Variants in SPMIP2 observed in about 807,000 individuals in gnomAD.
SPMIP2 encodes the protein sperm microtubule inner protein 2.
the SPMIP2 span, among the ~76,000 whole-genome samples, chr4:159,066,605 AT>A: frequency 0.4 from 57,926 of 145,474 alleles, 12,286 homozygotes; most frequent in East Asian, 0.61. Context: ...ATATATATAT[AT>A]ATATATATAT....
the SPMIP2 span, among the ~76,000 whole-genome samples, chr4:158,966,329 C>A: frequency 2.0e-5 from 3 of 152,196 alleles, no homozygotes; most frequent in African/African-American, 2.4e-5. Flanking sequence ...TAGGGAAAAA[C>A]TACAGTCATA....
At chr4:159,029,070 G>A in the SPMIP2 span, among the ~76,000 whole-genome samples, 1 of 152,174 alleles carries the variant, frequency 6.6e-6, no homozygotes, top group African/African-American at 2.4e-5. Context: ...ACTCCAGCCT[G>A]GGCAACAGAG....
At chr4:158,939,226 G>A in the SPMIP2 span, among the ~76,000 whole-genome samples, 1 of 152,156 alleles carries the variant, frequency 6.6e-6, no homozygotes, top group Non-Finnish European at 1.5e-5. Context: ...TATCCAGATG[G>A]TAAATCTTGA....
At chr4:158,917,771 G>T in the SPMIP2 span, among the ~76,000 whole-genome samples, 19 of 134,238 alleles carry the variant, frequency 1.4e-4, no homozygotes, top group East Asian at 3.4e-3. Context: ...TCCTAGGTTG[G>T]AGTGCAATGG....
chr4:158,957,764 T>G, the SPMIP2 span, among the ~76,000 whole-genome samples: 1 of 152,180 alleles, frequency 6.6e-6, no homozygotes, highest in African/African-American at 2.4e-5. Flanking sequence ...ATCACTTCTC[T>G]CAGTAAACAC....
At chr4:159,035,250 T>C in the SPMIP2 span, 1 of 616,894 alleles carries the variant, frequency 1.6e-6, no homozygotes, top group African/African-American at 1.8e-5. Flanking sequence ...GACAGGGAGA[T>C]AGAATGTTCC....
the SPMIP2 span, among the ~76,000 whole-genome samples, chr4:158,938,754 G>A: frequency 6.6e-6 from 1 of 152,176 alleles, no homozygotes; most frequent in African/African-American, 2.4e-5. Flanking sequence ...CTGTTGCCAA[G>A]AGTTTGTCCA....
the SPMIP2 span, among the ~76,000 whole-genome samples, chr4:158,976,096 A>T: frequency 6.7e-6 from 1 of 148,392 alleles, no homozygotes; most frequent in Non-Finnish European, 1.5e-5. Flanking sequence ...TTTGGCTATT[A>T]TTGGTTTATA....
the SPMIP2 span, among the ~76,000 whole-genome samples, chr4:158,959,880 C>T: frequency 6.6e-6 from 1 of 152,028 alleles, no homozygotes; most frequent in Non-Finnish European, 1.5e-5. Flanking sequence ...ACCAAGATTA[C>T]CCATTATGAT....
the SPMIP2 span, among the ~76,000 whole-genome samples, chr4:158,976,667 T>C: frequency 7.4e-6 from 1 of 135,924 alleles, no homozygotes; most frequent in African/African-American, 2.8e-5. Flanking sequence ...GCATTTTTTT[T>C]TTTTTTTTTT....
the SPMIP2 span, among the ~76,000 whole-genome samples, chr4:158,970,547 AAAAAC>A: frequency 1.7e-3 from 10 of 5,758 alleles, no homozygotes; most frequent in Admixed American, 4.5e-3. Context: ...CTCAAAAAAG[AAAAAC>A]AAAAAAAAAA....
chr4:158,973,159 A>G, the SPMIP2 span: 43,973 of 1,612,586 alleles, frequency 0.027, 1,087 homozygotes, highest in South Asian at 0.09. Flanking sequence ...TCACTGACGT[A>G]CTCATGTTTA....
At chr4:158,996,050 G>T in the SPMIP2 span, among the ~76,000 whole-genome samples, 152,056 of 152,234 alleles carry the variant, frequency 1, 75,940 homozygotes, top group East Asian at 1. Context: ...AGACTCGCAC[G>T]ACGTCTCGTT....
the SPMIP2 span, among the ~76,000 whole-genome samples, chr4:159,000,895 T>A: frequency 1.3e-5 from 2 of 152,348 alleles, no homozygotes; most frequent in Non-Finnish European, 2.9e-5. Flanking sequence ...TGTACAGATA[T>A]GTAACATTTA....
At chr4:159,043,862 T>C in the SPMIP2 span, among the ~76,000 whole-genome samples, 1 of 152,140 alleles carries the variant, frequency 6.6e-6, no homozygotes, top group African/African-American at 2.4e-5. Context: ...AGACATAAGC[T>C]CTTAATATTT....
the SPMIP2 span, among the ~76,000 whole-genome samples, chr4:158,944,589 A>G: frequency 6.6e-6 from 1 of 152,154 alleles, no homozygotes; most frequent in African/African-American, 2.4e-5. Flanking sequence ...AGCTTCATAC[A>G]TCTACCTCTA....
the SPMIP2 span, among the ~76,000 whole-genome samples, chr4:158,914,013 T>C: frequency 1.3e-5 from 2 of 152,186 alleles, no homozygotes; most frequent in African/African-American, 2.4e-5. Context: ...TGTTACAACA[T>C]GCTCTACAAA....
the SPMIP2 span, among the ~76,000 whole-genome samples, chr4:158,941,737 A>G: frequency 6.6e-6 from 1 of 152,238 alleles, no homozygotes; most frequent in Non-Finnish European, 1.5e-5. Context: ...GAATTAAACT[A>G]TCAACTAGAA....
chr4:159,011,719 A>G, the SPMIP2 span, among the ~76,000 whole-genome samples: 3 of 144,098 alleles, frequency 2.1e-5, no homozygotes, highest in Admixed American at 2.2e-4. Flanking sequence ...GCACCATTGC[A>G]CTCCAGCCCG....
Sources: gnomAD v4.1 joint callset for allele counts (sites outside exome capture counted in the v4.1 genomes callset) on GRCh38, gnomAD v4.1.1 for gene constraint, MANE v1.5 for transcripts, NCBI Gene and HGNC (gene_info 2026-07-23, HGNC 2026-07-21) for gene names.